Variants in BTBD9 observed in about 807,000 individuals in gnomAD.
BTBD9 encodes the protein BTB domain containing 9.
In BTBD9, 49 loss-of-function variants were observed where a neutral mutation model predicts 64.3. The ratio of observed to expected loss-of-function variants is 0.76; its 90% CI spans 0.61 to 0.97. The LOEUF is 0.97. Ranked by LOEUF, BTBD9 falls within the 50% of genes least tolerant of loss-of-function variation. BTBD9 has a pLI of 0.00. For synonymous variants in BTBD9, 260 were observed against 274.7 expected (o/e 0.95, Z 0.53); for missense variants, 598 against 762.1 (o/e 0.78, Z 2.53).
At chr6:38,538,237 A>G (rs889258106) in intron 6 of BTBD9, among the ~76,000 whole-genome samples, 1 of 152,216 alleles carries the variant, frequency 6.6e-6, no homozygotes, top group Admixed American at 6.5e-5. Flanking sequence ...CTAGGAATTC[A>G]TTAGTTTTTT....
At chr6:38,549,104 A>G (rs1379468021) in intron 6 of BTBD9, among the ~76,000 whole-genome samples, 1 of 152,228 alleles carries the variant, frequency 6.6e-6, no homozygotes, top group Admixed American at 6.5e-5. Flanking sequence ...AGTAACCTAC[A>G]ATGTGACTCC....
chr6:38,556,508 T>A (rs976848648), intron 6 of BTBD9, among the ~76,000 whole-genome samples: 50 of 120,420 alleles, frequency 4.2e-4, no homozygotes, highest in Non-Finnish European at 7.8e-4. Context: ...TCCTATAAAG[T>A]GTGTGTGTGT....
intron 1 of BTBD9, among the ~76,000 whole-genome samples, chr6:38,602,453 A>G (rs1042972485): frequency 2.6e-5 from 4 of 152,300 alleles, no homozygotes; most frequent in Admixed American, 2.6e-4. Context: ...TACATGCAAA[A>G]GACAATCTAC....
At chr6:38,211,297 C>T (rs917593412) in intron 9 of BTBD9, among the ~76,000 whole-genome samples, 9 of 152,062 alleles carry the variant, frequency 5.9e-5, no homozygotes, top group East Asian at 1.9e-4. Flanking sequence ...GGCATGGTGG[C>T]GGGCGCCTGC....
intron 1 of BTBD9, among the ~76,000 whole-genome samples, chr6:38,639,065 C>T (rs1778630360): frequency 6.6e-6 from 1 of 152,190 alleles, no homozygotes; most frequent in African/African-American, 2.4e-5. Flanking sequence ...TTCCATACTT[C>T]CTTGGATCTA....
chr6:38,251,854 T>G (rs1764414599), intron 9 of BTBD9, among the ~76,000 whole-genome samples: 1 of 145,380 alleles, frequency 6.9e-6, no homozygotes, highest in African/African-American at 2.6e-5. Flanking sequence ...ATTACGCCAC[T>G]GCACTCCAGC....
intron 6 of BTBD9, among the ~76,000 whole-genome samples, chr6:38,356,658 C>T (rs368305103): frequency 2.0e-5 from 3 of 152,218 alleles, no homozygotes; most frequent in African/African-American, 7.2e-5. Flanking sequence ...AGTTTCCTCA[C>T]ATGTCTGGTT....
intron 6 of BTBD9, among the ~76,000 whole-genome samples, chr6:38,403,235 A>T (rs1483128443): frequency 1.3e-5 from 2 of 152,252 alleles, no homozygotes; most frequent in Non-Finnish European, 2.9e-5. Flanking sequence ...AAAGGACATT[A>T]TCAAGAAAGC....
Position 38,392,138 on chromosome 6 carries a change from G to T in BTBD9, c.1155-47045C>A, listed in dbSNP as rs1473334884. ...GTTTCTGGAGCAAAGTCTTCCAAGA[G>T]GAGAGTCCTCCTCCCAGAGTCTAGA... On this transcript the variant is annotated intron_variant, in intron 6 of 10. Coordinates refer to ENST00000481247, the MANE Select transcript of BTBD9 (RefSeq NM_001099272.2). Among the ~76,000 whole-genome samples the T allele has an allele frequency of 2.0e-5, 3 of 152,230 alleles. No homozygotes were observed. In the East Asian group the frequency reaches 5.8e-4, roughly 29 times the overall value.
At chr6:38,393,031 T>A (rs753721395) in intron 6 of BTBD9, among the ~76,000 whole-genome samples, 1 of 152,082 alleles carries the variant, frequency 6.6e-6, no homozygotes, top group Non-Finnish European at 1.5e-5. Context: ...CGTGCCACCA[T>A]GCACAGCTAA....
At chr6:38,374,401 A>T (rs1223728817) in intron 6 of BTBD9, among the ~76,000 whole-genome samples, 6 of 146,340 alleles carry the variant, frequency 4.1e-5, no homozygotes, top group Non-Finnish European at 7.5e-5. Context: ...TGTAAACTTC[A>T]GAGGTACATT....
At chr6:38,500,964 T>C (rs191353622) in intron 6 of BTBD9, among the ~76,000 whole-genome samples, 155 of 152,332 alleles carry the variant, frequency 1.0e-3, no homozygotes, top group African/African-American at 3.4e-3. Flanking sequence ...AAATGTTTAA[T>C]GTATACAATA....
chr6:38,363,547 C>A (rs1403386884), intron 6 of BTBD9, among the ~76,000 whole-genome samples: 1 of 152,144 alleles, frequency 6.6e-6, no homozygotes, highest in Non-Finnish European at 1.5e-5. Flanking sequence ...TGCACCACTG[C>A]AATATAGCTT....
At chr6:38,350,111 C>CT (rs923935759) in intron 6 of BTBD9, among the ~76,000 whole-genome samples, 1 of 152,074 alleles carries the variant, frequency 6.6e-6, no homozygotes, top group African/African-American at 2.4e-5. Context: ...TGACGTGGTT[C>CT]TTTTTTTGTA....
chr6:38,549,891 A>G (rs1774721601), intron 6 of BTBD9, among the ~76,000 whole-genome samples: 1 of 152,010 alleles, frequency 6.6e-6, no homozygotes, highest in Admixed American at 6.5e-5. Context: ...TTAATCTTAC[A>G]TGACCTCTTG....
At chr6:38,490,079 G>C (rs1001779224) in intron 6 of BTBD9, among the ~76,000 whole-genome samples, 6 of 152,192 alleles carry the variant, frequency 3.9e-5, no homozygotes, top group Non-Finnish European at 8.8e-5. Flanking sequence ...AAAGCAGCCA[G>C]TGTAAGTCCC....
intron 6 of BTBD9, among the ~76,000 whole-genome samples, chr6:38,405,094 A>C (rs1767106016): frequency 2.6e-5 from 4 of 152,186 alleles, no homozygotes. Flanking sequence ...AACAAATACA[A>C]AACTTGCCTG....
intron 7 of BTBD9, among the ~76,000 whole-genome samples, chr6:38,308,271 A>G (rs933739616): frequency 6.6e-6 from 1 of 152,174 alleles, no homozygotes; most frequent in African/African-American, 2.4e-5. Context: ...AGATAAACCA[A>G]CCATCCAATT....
chr6:38,564,548 T>C (rs1775397899), intron 6 of BTBD9, among the ~76,000 whole-genome samples: 1 of 152,120 alleles, frequency 6.6e-6, no homozygotes, highest in Admixed American at 6.5e-5. Context: ...TTAGAGATTT[T>C]TTAATCTAAA....
Sources: allele counts gnomAD v4.1 joint callset (sites outside exome capture counted in the v4.1 genomes callset), GRCh38; gene constraint gnomAD v4.1.1; transcripts MANE v1.5; gene names NCBI Gene and HGNC (gene_info 2026-07-23, HGNC 2026-07-21).